TMEM235: variants seen among roughly 807,000 people sequenced by gnomAD.
TMEM235 encodes claudin-27.
Under a neutral mutation model 22.9 loss-of-function variants are expected in TMEM235, and 23 were observed. That is an observed-to-expected ratio of 1.00 (90% confidence interval 0.72 to 1.42). The LOEUF is 1.42. Ranked by LOEUF, TMEM235 falls within the 40% of genes most tolerant of loss-of-function variation. The pLI is 0.00. For synonymous variants in TMEM235, 137 were observed against 140.5 expected, an observed-to-expected ratio of 0.98 and a Z score of 0.17; for missense variants, 308 against 299.5, an observed-to-expected ratio of 1.03 and a Z score of -0.21.
At chr17:78,239,347 G>A in intron 5 of TMEM235, 74 bp downstream of exon 4, 1 of 1,465,064 alleles carries the variant, frequency 6.8e-7, no homozygotes. Context: ...TGAGAGTCTG[G>A]GAATCCCTTC....
At chr17:78,234,411 TG>T in intron 3 of TMEM235, 181 bp from the exon 3 acceptor site, 2 of 922,454 alleles carry the variant, frequency 2.2e-6, no homozygotes, top group Non-Finnish European at 3.4e-6. Context: ...CCTCCCCTCC[TG>T]GCCTTAGGAA....
rs2076661439 is a variant in TMEM235, at chr17:78,237,859, ACT to A, written c.410-1160_410-1159del. Among the ~76,000 whole-genome samples the A allele has an allele frequency of 6.6e-6, 1 of 151,546 alleles. No homozygotes were observed. Among genetic ancestry groups the A allele is most frequent in the South Asian group, 2.1e-4 (1 of 4,800 alleles). On this transcript the variant is annotated intron_variant, in intron 4 of 5. Transcript: ENST00000421688. The surrounding 1 kb of genome is among the most constrained non-coding windows in gnomAD (Gnocchi z 4.7). ...AGCCTCCCCATGCCTTCTTCTCCCC[ACT>A]CTCTGTCCCACTCTTCTTCCCAAGT...
chr17:78,231,612 G>C lies in TMEM235; in HGVS notation c.-412G>C, dbSNP rs996616352. On this transcript the variant is annotated 5_prime_UTR_variant, in exon 2 of 6. Coordinates refer to ENST00000421688, the Ensembl canonical transcript of TMEM235. ...ATCCTCCTGGGGTCGGTCTCTGGCC[G>C]ATCCTCCCTCCTCCTCTCAAGCCCT... The C allele has an allele frequency of 1.5e-6, 2 of 1,303,448 alleles. No homozygotes were observed. The highest frequency in any genetic ancestry group is 5.6e-5 in the East Asian group (1 of 17,940). The allele number at this position is 1,303,448 out of a possible 1,614,324, so 80.7% of individuals were successfully genotyped here. A position where few individuals can be genotyped will look rare whatever the true frequency, so the allele number is the denominator to read the frequency against.
intron 3 of TMEM235, 128 bp downstream of exon 2, chr17:78,234,103 C>G: frequency 1.2e-6 from 1 of 853,304 alleles, no homozygotes; most frequent in Admixed American, 2.2e-5. Context: ...GACGTTTCCA[C>G]GCAGACCTGT....
rs965112782 is a variant in TMEM235 at position 78,239,327 on chromosome 17, C to T, written c.659+54C>T. ...CCTCCCGGGATTGGGCGGTCAGGGC[C>T]AGGGCCCCTTGAGAGTCTGGGAATC... On this transcript the variant is annotated intron_variant, in intron 5 of 5. Transcript: ENST00000421688. The T allele has an allele frequency of 1.2e-5, 18 of 1,502,858 alleles. No individual in the cohort carries two copies. The Admixed American group carries it at 1.4e-4, about 12-fold the overall frequency. 93.1% of individuals were successfully genotyped at this position (1,502,858 alleles called of 1,614,324 possible).
At chr17:78,232,695 C>T (rs1475502605) in intron 2 of TMEM235, among the ~76,000 whole-genome samples, 1 of 150,986 alleles carries the variant, frequency 6.6e-6, no homozygotes, top group African/African-American at 2.5e-5. Context: ...AAGGGGATCC[C>T]AGCAGGCTGG....
At chr17:78,232,245 C>T in intron 2 of TMEM235, 32 bp downstream of exon 1, 2 of 1,423,010 alleles carry the variant, frequency 1.4e-6, no homozygotes, top group Non-Finnish European at 1.8e-6. Flanking sequence ...CCTCCTCCCT[C>T]CGCGACCTCG....
At chr17:78,231,438 G>A in exon 2 of TMEM235, 1 of 1,298,184 alleles carries the variant, frequency 7.7e-7, no homozygotes, top group Non-Finnish European at 1.0e-6. Context: ...GCAGCCCCCC[G>A]CCCGGCTGTG....
exon 2 of TMEM235, chr17:78,231,756 C>A: frequency 8.1e-7 from 1 of 1,228,498 alleles, no homozygotes; most frequent in South Asian, 1.5e-5. Context: ...GGATTGGAGC[C>A]CAAGCCCCAG....
At chr17:78,236,683 G>A (rs1391594005) in intron 4 of TMEM235, among the ~76,000 whole-genome samples, 2 of 152,228 alleles carry the variant, frequency 1.3e-5, no homozygotes, top group Non-Finnish European at 1.5e-5. Context: ...GGCTAGGCCC[G>A]AGCCAGGCCC....
chr17:78,236,642 C>T (rs2076647467), intron 4 of TMEM235, among the ~76,000 whole-genome samples: 1 of 152,242 alleles, frequency 6.6e-6, no homozygotes, highest in Non-Finnish European at 1.5e-5. Context: ...GGGCTCCTGA[C>T]AGTCTGTCCT....
At chr17:78,236,289 G>C (rs1428066288) in intron 4 of TMEM235, among the ~76,000 whole-genome samples, 7 of 152,204 alleles carry the variant, frequency 4.6e-5, no homozygotes, top group African/African-American at 1.7e-4. Flanking sequence ...TACTGTCCTG[G>C]TGGGAGGAGC....
chr17:78,240,106 G>A (rs745785610), exon 6 of TMEM235: 223 of 1,357,136 alleles, frequency 1.6e-4, no homozygotes, highest in Non-Finnish European at 2.1e-4. Context: ...GCTGCTTCCG[G>A]CCCCCGACCC....
chr17:78,231,968 C>A, exon 2 of TMEM235: 1 of 1,062,850 alleles, frequency 9.4e-7, no homozygotes, highest in South Asian at 4.4e-5. Flanking sequence ...CGCGCGCCCC[C>A]CGCCGCCCCC....
rs750495355 is a variant in TMEM235 at position 78,238,585 on chromosome 17, T to TGTGTGTGTGTGTGTGA, written c.410-438_410-437insTGTGTGTGTGTGTGAG. 1.3e-4 allele frequency among the ~76,000 whole-genome samples: 19 copies of TGTGTGTGTGTGTGTGA among 143,028 alleles called. No individual in the cohort carries two copies. Among genetic ancestry groups the TGTGTGTGTGTGTGTGA allele is most frequent in the Admixed American group, 2.8e-4 (4 of 14,042 alleles). The allele number at this position is 143,028 out of a possible 152,430, so 93.8% of individuals were successfully genotyped here. A position where few individuals can be genotyped will look rare whatever the true frequency, so the allele number is the denominator to read the frequency against. Reference sequence around the variant, plus strand: ...GTGTGTGTGTGTGTGTGTGTGTGTGTGAATGTGTGCAAATGTGTTCGTGTA... The same window carrying TGTGTGTGTGTGTGTGA: ...GTGTGTGTGTGTGTGTGTGTGTGTGTGTGTGTGTGTGTGTGAGAATGTGTGCAAATGTGTTCGTGTA... On this transcript the variant is annotated intron_variant, in intron 4 of 5. Transcript: ENST00000421688. This position sits in a 1 kb window ranked among gnomAD's most constrained non-coding sequence, Gnocchi z 4.3.
chr17:78,239,807 G>A, exon 6 of TMEM235: 1 of 1,549,516 alleles, frequency 6.5e-7, no homozygotes, highest in Non-Finnish European at 8.7e-7. Flanking sequence ...CAGAGCGGCA[G>A]AGGGACCCAC....
chr17:78,232,212 A>G, exon 2 of TMEM235: 1 of 1,462,192 alleles, frequency 6.8e-7, no homozygotes. Context: ...GCATCTGCGA[A>G]GGTAACCGGC....
At chr17:78,239,115 G>T in exon 5 of TMEM235, 2 of 1,543,800 alleles carry the variant, frequency 1.3e-6, no homozygotes, top group South Asian at 1.2e-5. Flanking sequence ...CGCAGCACAT[G>T]CAGGGCGTCC....
At chr17:78,240,063 C>T in exon 6 of TMEM235, 1 of 1,455,654 alleles carries the variant, frequency 6.9e-7, no homozygotes. Flanking sequence ...AGCAGGCACC[C>T]AGATCTCTGT....
Sources: allele counts gnomAD v4.1 joint callset (sites outside exome capture counted in the v4.1 genomes callset), GRCh38; gene constraint gnomAD v4.1.1; non-coding constraint Gnocchi (gnomAD v3.1); transcripts MANE v1.5; gene names NCBI Gene and HGNC (gene_info 2026-07-23, HGNC 2026-07-21).